EIF3H: variants seen among roughly 807,000 people sequenced by gnomAD.
EIF3H encodes the protein eIF-3-gamma.
Under a neutral mutation model 44.2 loss-of-function variants are expected in EIF3H, and 26 were observed. The observed-to-expected ratio is 0.59, with a 90% CI of 0.43 to 0.82. The LOEUF (loss-of-function observed/expected upper bound fraction) is 0.82. Among genes scored for constraint, EIF3H ranks in the 40% least tolerant of loss-of-function variants. The probability of loss-of-function intolerance (pLI) is 0.00; values close to 1 mark genes in which losing one functional copy is unlikely to be tolerated. For missense variants in EIF3H, 359 were observed against 432.8 expected, an observed-to-expected ratio of 0.83 and a Z score of 1.51; for synonymous variants, 166 against 151.9, an observed-to-expected ratio of 1.09 and a Z score of -0.68.
At chr8:116,702,919 G>A (rs368550177) in intron 2 of EIF3H, among the ~76,000 whole-genome samples, 1 of 152,034 alleles carries the variant, frequency 6.6e-6, no homozygotes, top group Admixed American at 6.5e-5. Context: ...GAATAAAACT[G>A]TTCCACCTCA....
intron 2 of EIF3H, among the ~76,000 whole-genome samples, chr8:116,681,524 G>C (rs1050170076): frequency 4.0e-5 from 6 of 151,670 alleles, no homozygotes; most frequent in African/African-American, 1.5e-4. Context: ...AAATTAGCTG[G>C]GCGTGGTGGC....
At chr8:116,693,309 T>C (rs1814211343) in intron 2 of EIF3H, among the ~76,000 whole-genome samples, 1 of 152,256 alleles carries the variant, frequency 6.6e-6, no homozygotes, top group African/African-American at 2.4e-5. Context: ...AACTGCTTGT[T>C]AGCTCAACAG....
chr8:116,705,642 GCACTCTTTAA>G (rs1335967871), intron 2 of EIF3H, among the ~76,000 whole-genome samples: 3 of 151,956 alleles, frequency 2.0e-5, no homozygotes, highest in Non-Finnish European at 4.4e-5. Flanking sequence ...TACTTAAGCA[GCACTCTTTAA>G]AACTGCCTAG....
At chr8:116,743,804 A>ATATATATATATAT (rs1815180734) in intron 1 of EIF3H, among the ~76,000 whole-genome samples, 1 of 23,886 alleles carries the variant, frequency 4.2e-5, no homozygotes, top group Non-Finnish European at 8.5e-5. Context: ...ATATAAACAC[A>ATATATATATATAT]CACACACACA....
chr8:116,684,771 A>C (rs966320655), intron 2 of EIF3H, among the ~76,000 whole-genome samples: 1 of 152,202 alleles, frequency 6.6e-6, no homozygotes, highest in African/African-American at 2.4e-5. Context: ...AAAACAACAC[A>C]GCATTTTACA....
chr8:116,742,906 A>G (rs1211554747), intron 1 of EIF3H, among the ~76,000 whole-genome samples: 1 of 152,214 alleles, frequency 6.6e-6, no homozygotes, highest in African/African-American at 2.4e-5. Context: ...GGTTTAATAA[A>G]TTAAAAGGGT....
At chr8:116,709,847 G>C (rs1176419610) in intron 2 of EIF3H, among the ~76,000 whole-genome samples, 1 of 152,164 alleles carries the variant, frequency 6.6e-6, no homozygotes, top group Non-Finnish European at 1.5e-5. Flanking sequence ...TAAGAAAAGG[G>C]TAGCGTGATC....
At chr8:116,712,109 G>A (rs1285745561) in intron 2 of EIF3H, among the ~76,000 whole-genome samples, 4 of 152,288 alleles carry the variant, frequency 2.6e-5, no homozygotes, top group Middle Eastern at 3.4e-3. Flanking sequence ...TGCTGCCGCC[G>A]CCGCCGCTGC....
At chr8:116,719,945 T>C (rs755779335) in intron 2 of EIF3H, among the ~76,000 whole-genome samples, 5 of 152,178 alleles carry the variant, frequency 3.3e-5, no homozygotes, top group Non-Finnish European at 5.9e-5. Context: ...GAGTCTATTA[T>C]AGTAGAAAAA....
At chr8:116,686,460 G>A (rs1183662791) in intron 2 of EIF3H, among the ~76,000 whole-genome samples, 1 of 152,092 alleles carries the variant, frequency 6.6e-6, no homozygotes. Flanking sequence ...AAAGGTTGTG[G>A]AAAGATAGTC....
chr8:116,755,166 CAA>C (rs1815418617), intron 1 of EIF3H, among the ~76,000 whole-genome samples: 2 of 152,296 alleles, frequency 1.3e-5, no homozygotes, highest in Admixed American at 1.3e-4. Flanking sequence ...ATGAACACTA[CAA>C]AAGAGTATTC....
intron 1 of EIF3H, among the ~76,000 whole-genome samples, chr8:116,734,821 A>G (rs1237709431): frequency 6.6e-6 from 1 of 152,218 alleles, no homozygotes; most frequent in Non-Finnish European, 1.5e-5. Flanking sequence ...GGGGCCTCCA[A>G]AAGTGCTAGG....
intron 2 of EIF3H, among the ~76,000 whole-genome samples, chr8:116,679,181 C>T (rs1276780173): frequency 1.2e-5 from 1 of 80,316 alleles, no homozygotes; most frequent in Non-Finnish European, 3.1e-5. Context: ...GGGGTCAGCC[C>T]CCCGCCCGGC....
intron 5 of EIF3H, 44 bp from the exon 6 acceptor site, chr8:116,648,970 A>G (rs1341100922): frequency 6.4e-7 from 1 of 1,568,764 alleles, no homozygotes; most frequent in Admixed American, 1.8e-5. Context: ...ACTTTAAATT[A>G]TAGCTTTGCT....
chr8:116,693,162 T>A (rs1814208237), intron 2 of EIF3H, among the ~76,000 whole-genome samples: 1 of 152,164 alleles, frequency 6.6e-6, no homozygotes, highest in African/African-American at 2.4e-5. Context: ...TATTTGGAAG[T>A]CAAAGTACTA....
In EIF3H at chr8:116,722,460, G is replaced by A. The variant is rs533554193; in HGVS notation, c.289+3556C>T. ...TAGCTAACTTAATTTTACCAATAAA[G>A]CTGAAGTCTTCTGTGTCCCCTCTAT... On this transcript the variant is annotated intron_variant, in intron 2 of 7. Transcript: ENST00000521861. Among the ~76,000 whole-genome samples the A allele has an allele frequency of 6.6e-5, 10 of 152,290 alleles. No individual in the cohort carries two copies. The East Asian group carries it at 1.3e-3, about 21-fold the overall frequency.
chr8:116,724,517 T>G (rs72683617), intron 2 of EIF3H, among the ~76,000 whole-genome samples: 2,001 of 151,836 alleles, frequency 0.013, 25 homozygotes, highest in Non-Finnish European at 0.02. Context: ...AAAGGCAACT[T>G]ACAAAATGGG....
intron 6 of EIF3H, among the ~76,000 whole-genome samples, chr8:116,648,132 C>CT (rs1395779540): frequency 2.6e-5 from 4 of 152,094 alleles, no homozygotes; most frequent in Non-Finnish European, 5.9e-5. Context: ...ACAGAGTAGT[C>CT]ATATATAAAT....
At chr8:116,666,499 T>C (rs988752952) in intron 2 of EIF3H, among the ~76,000 whole-genome samples, 8 of 152,110 alleles carry the variant, frequency 5.3e-5, no homozygotes, top group Admixed American at 5.2e-4. Context: ...TTTGAGGTTA[T>C]AACAATCTGA....
Sources: allele counts gnomAD v4.1 joint callset (sites outside exome capture counted in the v4.1 genomes callset), GRCh38; gene constraint gnomAD v4.1.1; transcripts MANE v1.5; gene names NCBI Gene and HGNC (gene_info 2026-07-23, HGNC 2026-07-21).